The following TRPM3 variants were observed in gnomAD, a reference collection of about 807,000 sequenced individuals.
TRPM3 encodes long transient receptor potential channel 3.
In TRPM3, 77 loss-of-function variants were observed where a neutral mutation model predicts 181.2. The observed-to-expected ratio is 0.42, with a 90% CI of 0.35 to 0.51. The LOEUF is 0.51. TRPM3 is among the 20% of genes least tolerant of loss of function. The probability of loss-of-function intolerance (pLI) is 0.01; values close to 1 mark genes in which losing one functional copy is unlikely to be tolerated. For synonymous variants in TRPM3, 745 were observed against 796.4 expected (o/e 0.94, Z 1.09); for missense variants, 1,759 against 2,196.7 (o/e 0.80, Z 3.98).
At chr9:70,580,666 T>C (rs997811857) in intron 22 of TRPM3, among the ~76,000 whole-genome samples, 4 of 152,182 alleles carry the variant, frequency 2.6e-5, no homozygotes, top group Admixed American at 2.6e-4. Flanking sequence ...GTTTTGTACA[T>C]AACAGTCCCT....
intron 1 of TRPM3, among the ~76,000 whole-genome samples, chr9:71,356,537 C>T (rs1352720427): frequency 6.6e-6 from 1 of 152,088 alleles, no homozygotes; most frequent in African/African-American, 2.4e-5. Flanking sequence ...TTATGAGGCA[C>T]ATTACTTCAC....
intron 6 of TRPM3, among the ~76,000 whole-genome samples, chr9:70,798,333 G>A (rs2087815519): frequency 6.6e-6 from 1 of 152,160 alleles, no homozygotes; most frequent in Non-Finnish European, 1.5e-5. Flanking sequence ...GGGATTACAG[G>A]TGTGAACCAC....
intron 1 of TRPM3, among the ~76,000 whole-genome samples, chr9:71,119,230 A>T (rs2073092092): frequency 6.6e-6 from 1 of 152,200 alleles, no homozygotes; most frequent in Admixed American, 6.5e-5. Flanking sequence ...TTGGGAAAAA[A>T]GTTCTCCAGT....
rs533089709 is a variant in TRPM3, at chr9:71,193,496, C to T, written c.183+253157G>A. Reference sequence around the variant, plus strand: ...CCTCCTCTTTCTCTACCAGCACCTCCTAAAATATCTATTTTCCCCTATTCA... The same window carrying T: ...CCTCCTCTTTCTCTACCAGCACCTCTTAAAATATCTATTTTCCCCTATTCA... On this transcript the variant is annotated intron_variant, in intron 1 of 24. Coordinates refer to the TRPM3 transcript ENST00000357533. 2.0e-5 allele frequency among the ~76,000 whole-genome samples: 3 copies of T among 151,924 alleles called. No individual in the cohort carries two copies. In the South Asian group the frequency reaches 6.2e-4, roughly 32 times the overall value.
intron 22 of TRPM3, among the ~76,000 whole-genome samples, chr9:70,560,564 T>C (rs1197549382): frequency 6.6e-6 from 1 of 152,216 alleles, no homozygotes; most frequent in African/African-American, 2.4e-5. Context: ...AGGGTCCCTG[T>C]CAGGTAGCTC....
intron 1 of TRPM3, among the ~76,000 whole-genome samples, chr9:71,174,722 A>C (rs1450007303): frequency 1.3e-5 from 2 of 152,182 alleles, no homozygotes; most frequent in African/African-American, 4.8e-5. Flanking sequence ...GTGAAAAAGA[A>C]GCCATCGGGT....
chr9:71,122,577 G>A (rs2073765245), upstream of TRPM3, among the ~76,000 whole-genome samples: 1 of 152,142 alleles, frequency 6.6e-6, no homozygotes, highest in Non-Finnish European at 1.5e-5. Flanking sequence ...AACTTGAAGA[G>A]ATTGGTAAAT....
intron 8 of TRPM3, among the ~76,000 whole-genome samples, chr9:70,759,628 A>G (rs1056082711): frequency 2.6e-5 from 4 of 152,234 alleles, no homozygotes; most frequent in African/African-American, 9.6e-5. Flanking sequence ...TGTGGCACAT[A>G]TACACCATGG....
At chr9:71,116,878 A>G (rs2072507714) in intron 1 of TRPM3, among the ~76,000 whole-genome samples, 1 of 152,200 alleles carries the variant, frequency 6.6e-6, no homozygotes, top group African/African-American at 2.4e-5. Flanking sequence ...CGGACACTCC[A>G]TGGGGCTCAT....
intron 1 of TRPM3, among the ~76,000 whole-genome samples, chr9:70,979,938 G>A (rs2097346654): frequency 6.6e-6 from 1 of 152,042 alleles, no homozygotes; most frequent in Non-Finnish European, 1.5e-5. Flanking sequence ...TTATGCTTAT[G>A]ACCTCATTAG....
rs908174454 is a variant in TRPM3, at chr9:71,345,200, C to T, written c.183+101453G>A. On this transcript the variant is annotated intron_variant, in intron 1 of 24. Coordinates refer to the TRPM3 transcript ENST00000357533. The stretch of plus-strand genomic sequence containing the variant: ...AGTGTGGTGATTCCTCAAGGATCTA[C>T]AATCAGAAATACCATTTGACCCATC... 5.3e-5 allele frequency among the ~76,000 whole-genome samples: 8 copies of T among 152,116 alleles called. No individual in the cohort carries two copies. In the South Asian group the frequency reaches 1.7e-3, roughly 32 times the overall value.
intron 22 of TRPM3, among the ~76,000 whole-genome samples, chr9:70,566,018 C>T (rs2050493793): frequency 1.3e-5 from 2 of 151,994 alleles, no homozygotes; most frequent in Admixed American, 1.3e-4. Context: ...TCTAAGTGCT[C>T]GGGATGCATC....
intron 1 of TRPM3, among the ~76,000 whole-genome samples, chr9:71,232,556 G>A (rs546782590): frequency 4.2e-5 from 6 of 143,320 alleles, no homozygotes; most frequent in South Asian, 2.2e-4. Context: ...GCTGGAGTGC[G>A]GTGGCACGAT....
At chr9:71,035,533 A>G (rs922553844) in intron 1 of TRPM3, among the ~76,000 whole-genome samples, 10 of 152,174 alleles carry the variant, frequency 6.6e-5, no homozygotes, top group African/African-American at 2.2e-4. Flanking sequence ...CCTGGCCAAC[A>G]TGGCAAAACC....
intron 8 of TRPM3, among the ~76,000 whole-genome samples, chr9:70,686,686 TTTCCTTCC>T (rs778689995): frequency 0.063 from 3,672 of 58,482 alleles, 152 homozygotes; most frequent in Middle Eastern, 0.075. Flanking sequence ...TCCTTCCTTC[TTTCCTTCC>T]TTCCTTCCTT....
intron 14 of TRPM3, among the ~76,000 whole-genome samples, chr9:70,622,903 T>G (rs964529459): frequency 2.6e-5 from 4 of 152,206 alleles, no homozygotes; most frequent in Non-Finnish European, 5.9e-5. Context: ...GGCTAATATC[T>G]ATTTCATTTT....
chr9:71,074,948 T>C (rs931415809), intron 1 of TRPM3, among the ~76,000 whole-genome samples: 5 of 152,136 alleles, frequency 3.3e-5, no homozygotes, highest in Non-Finnish European at 5.9e-5. Context: ...AATAAAGAAA[T>C]TCAAATTATG....
In TRPM3 at chr9:70,776,436, G is replaced by A. The variant is rs1180191688; in HGVS notation, c.1148+7669C>T. On this transcript the variant is annotated intron_variant, in intron 7 of 25. Transcript: ENST00000677713. ...CACCATTTCACTTCTAAATACCTTT[G>A]CTTTCCTCTTCCTTTTTTCTTTCTC... 4.2e-6 allele frequency: 3 copies of A among 713,094 alleles called. No homozygotes were observed. The South Asian group carries it at 4.5e-5, about 11-fold the overall frequency. 44.2% of individuals were successfully genotyped at this position (713,094 alleles called of 1,614,324 possible).
At chr9:70,773,214 C>T (rs188686421) in intron 7 of TRPM3, among the ~76,000 whole-genome samples, 3 of 152,250 alleles carry the variant, frequency 2.0e-5, no homozygotes, top group Admixed American at 2.0e-4. Flanking sequence ...TGGGTCCCAC[C>T]TTCTTAGAGG....
Sources: gnomAD v4.1 joint callset for allele counts (sites outside exome capture counted in the v4.1 genomes callset) on GRCh38, gnomAD v4.1.1 for gene constraint, MANE v1.5 for transcripts, NCBI Gene and HGNC (gene_info 2026-07-23, HGNC 2026-07-21) for gene names.